Variants in MEIS2 observed in about 807,000 individuals in gnomAD.
MEIS2 encodes Meis homeobox 2, also known as homeobox protein Meis2.
Under a neutral mutation model 58.6 loss-of-function variants are expected in MEIS2, and 9 were observed. The observed-to-expected ratio is 0.15, with a 90% confidence interval of 0.09 to 0.27. The LOEUF (loss-of-function observed/expected upper bound fraction) is 0.27, where lower values mean the gene tolerates loss of function less well. MEIS2 is among the 10% of genes least tolerant of loss of function. The pLI, the probability that MEIS2 is intolerant of heterozygous loss-of-function variation, is 1.00. For synonymous variants in MEIS2, 221 were observed against 228.4 expected (o/e 0.97, Z 0.29); for missense variants, 427 against 635.0 (o/e 0.67, Z 3.52).
intron 9 of MEIS2, among the ~76,000 whole-genome samples, chr15:36,900,568 A>G (rs2056416042): frequency 6.6e-6 from 1 of 152,232 alleles, no homozygotes; most frequent in Non-Finnish European, 1.5e-5. Context: ...TCCAAGAATC[A>G]CGAGGCCTTT....
intron 9 of MEIS2, among the ~76,000 whole-genome samples, chr15:36,904,266 A>C (rs1390948580): frequency 6.6e-6 from 1 of 152,022 alleles, no homozygotes; most frequent in Non-Finnish European, 1.5e-5. Context: ...GGCCCTAACA[A>C]AGCTCTCAGG....
intron 8 of MEIS2, among the ~76,000 whole-genome samples, chr15:37,035,782 A>AT (rs2062125852): frequency 6.6e-6 from 1 of 152,216 alleles, no homozygotes; most frequent in East Asian, 1.9e-4. Flanking sequence ...GCTCTGCAAG[A>AT]AGAGCCCATC....
intron 8 of MEIS2, among the ~76,000 whole-genome samples, chr15:36,999,270 C>T (rs564514157): frequency 1.2e-3 from 182 of 152,270 alleles, no homozygotes; most frequent in African/African-American, 4.2e-3. Flanking sequence ...GTGTCAGACA[C>T]TGGGCATACA....
chr15:37,049,312 G>C (rs1275741695), intron 7 of MEIS2, among the ~76,000 whole-genome samples: 6 of 152,254 alleles, frequency 3.9e-5, no homozygotes, highest in Non-Finnish European at 7.4e-5. Flanking sequence ...GACTGCTAAT[G>C]GGTGTGAGGT....
chr15:36,970,308 G>A (rs1053028435), intron 8 of MEIS2, among the ~76,000 whole-genome samples: 5 of 151,616 alleles, frequency 3.3e-5, no homozygotes, highest in Admixed American at 3.3e-4. Flanking sequence ...GGAGGCTGAG[G>A]CAGGAGAATG....
chr15:37,087,002 A>G (rs909514648), intron 6 of MEIS2, among the ~76,000 whole-genome samples: 48 of 152,272 alleles, frequency 3.2e-4, no homozygotes, highest in African/African-American at 1.1e-3. Flanking sequence ...TCCATCCTTC[A>G]AGAAAAATGG....
intron 4 of MEIS2, among the ~76,000 whole-genome samples, chr15:37,094,825 CT>C (rs1201683559): frequency 1.3e-5 from 2 of 151,936 alleles, no homozygotes; most frequent in Non-Finnish European, 2.9e-5. Context: ...ATCTTTCCCC[CT>C]GATGTTCACT....
intron 8 of MEIS2, among the ~76,000 whole-genome samples, chr15:37,000,855 A>G (rs1339716846): frequency 6.6e-6 from 1 of 152,110 alleles, no homozygotes; most frequent in Non-Finnish European, 1.5e-5. Context: ...CCCCCTCCCA[A>G]GCTAGGATCC....
chr15:36,996,016 C>T (rs1449246759), intron 8 of MEIS2, among the ~76,000 whole-genome samples: 201 of 85,382 alleles, frequency 2.4e-3, no homozygotes, highest in African/African-American at 5.3e-3. Context: ...TATATATATA[C>T]ATATGTGTAT....
chr15:37,059,212 C>A (rs561261137), intron 7 of MEIS2, among the ~76,000 whole-genome samples: 1 of 152,096 alleles, frequency 6.6e-6, no homozygotes, highest in East Asian at 1.9e-4. Flanking sequence ...TTCCTGCTGC[C>A]CAGATGAATA....
intron 9 of MEIS2, among the ~76,000 whole-genome samples, chr15:36,938,611 C>T (rs1181558347): frequency 1.3e-5 from 2 of 152,220 alleles, no homozygotes; most frequent in East Asian, 3.8e-4. Context: ...TCATCTACCA[C>T]GACTGGCCTC....
intron 8 of MEIS2, among the ~76,000 whole-genome samples, chr15:37,025,645 T>C (rs147598883): frequency 5.3e-5 from 8 of 151,690 alleles, no homozygotes; most frequent in Non-Finnish European, 1.0e-4. Flanking sequence ...ACTGATTATA[T>C]ATACATTTTA....
Position 36,895,241 on chromosome 15 carries a change from C to T in MEIS2, c.1057G>A (p.Val353Met). The T allele has an allele frequency of 6.2e-7, 1 of 1,614,120 alleles. No individual in the cohort carries two copies. The highest frequency in any genetic ancestry group is 8.5e-7 in the Non-Finnish European group (1 of 1,180,034). ...GGACTATATGCTGCTCCTTGGCTCACTGAAGGATCAAGAAGAAAACCTGAT... is the reference window on the plus strand; with the variant it reads ...GGACTATATGCTGCTCCTTGGCTCATTGAAGGATCAAGAAGAAAACCTGAT... ...NRAGFLLDPS[V>M]SQGAAYSPEG... The change falls in exon 11 of 12, where the codon GTG becomes ATG. Residue 353 changes from valine to methionine, a missense_variant. Around this residue, in one of 6 missense-constraint regions of MEIS2, gnomAD observed 19 missense variants for 37.3 expected, o/e 0.51. Transcript: ENST00000561208.
At chr15:37,044,437 T>G (rs192204802) in intron 7 of MEIS2, among the ~76,000 whole-genome samples, 3 of 152,326 alleles carry the variant, frequency 2.0e-5, no homozygotes, top group Non-Finnish European at 4.4e-5. Context: ...ACCCTTTATC[T>G]ACAGGCTTAT....
Position 37,100,256 on chromosome 15 carries a change from T to TCTCGCTCG in MEIS2, c.-798_-791dup, listed in dbSNP as rs753907997. The stretch of plus-strand genomic sequence containing the variant: ...TATTTTGTCTCTCCCTCTCTCTCTT[T>TCTCGCTCG]CTCGCTCGCTCGCTCGCTCTCACTC... On this transcript the variant is annotated 5_prime_UTR_variant, in exon 1 of 12. Transcript: ENST00000561208. The TCTCGCTCG allele has an allele frequency of 6.6e-6, 1 of 152,400 alleles. No homozygotes were observed. The highest frequency in any genetic ancestry group is 1.5e-5 in the Non-Finnish European group (1 of 68,040). The allele number at this position is 152,400 out of a possible 1,614,324, so 9.4% of individuals were successfully genotyped here.
intron 8 of MEIS2, among the ~76,000 whole-genome samples, chr15:37,027,542 T>C (rs1471571030): frequency 1.3e-5 from 2 of 152,206 alleles, no homozygotes; most frequent in African/African-American, 4.8e-5. Context: ...AGTTTTTAAA[T>C]AGCTGAATAT....
chr15:36,999,231 T>C (rs1041231759), intron 8 of MEIS2, among the ~76,000 whole-genome samples: 1 of 152,168 alleles, frequency 6.6e-6, no homozygotes. Flanking sequence ...TTATTTAATA[T>C]ATAGAGTGTC....
At chr15:36,929,219 T>C (rs2057870491) in intron 9 of MEIS2, among the ~76,000 whole-genome samples, 1 of 152,192 alleles carries the variant, frequency 6.6e-6, no homozygotes, top group African/African-American at 2.4e-5. Context: ...TACTTACATG[T>C]GTCTCATTCT....
chr15:36,964,651 T>G (rs1158763159), intron 8 of MEIS2, among the ~76,000 whole-genome samples: 2 of 152,196 alleles, frequency 1.3e-5, no homozygotes, highest in African/African-American at 4.8e-5. Flanking sequence ...CCATAGAACT[T>G]GTCATAATAG....
Sources: allele counts gnomAD v4.1 joint callset (sites outside exome capture counted in the v4.1 genomes callset), GRCh38; gene constraint gnomAD v4.1.1; regional missense constraint gnomAD v4.1.1; transcripts MANE v1.5; gene names NCBI Gene and HGNC (gene_info 2026-07-23, HGNC 2026-07-21).